Variants in CNTN5 observed in about 807,000 individuals in gnomAD.
The protein encoded by CNTN5 is contactin-5.
Under a neutral mutation model 129.1 loss-of-function variants are expected in CNTN5, and 77 were observed. The observed-to-expected ratio is 0.60, with a 90% CI of 0.50 to 0.72. CNTN5 has a LOEUF of 0.72. Among genes scored for constraint, CNTN5 ranks in the 30% least tolerant of loss-of-function variants. The pLI is 0.00. For missense variants in CNTN5, 1,478 were observed against 1,328.8 expected (o/e 1.11, Z -1.75); for synonymous variants, 509 against 465.6 (o/e 1.09, Z -1.20).
At chr11:99,917,434 G>A (rs758909849) in intron 7 of CNTN5, among the ~76,000 whole-genome samples, 33 of 152,102 alleles carry the variant, frequency 2.2e-4, no homozygotes, top group South Asian at 4.1e-4. Context: ...AAAGTGTATA[G>A]CATTAATATA....
In CNTN5 at chr11:99,556,282, A is replaced by G; in HGVS notation, c.55+13A>G. ...ATGTGTCTTTCAGGTAAAAGTCCTG[A>G]TTAATTAATTATTTGATTTTCTAAG... On this transcript the variant is annotated intron_variant, in intron 3 of 24. Transcript: ENST00000524871. 1.3e-6 allele frequency: 2 copies of G among 1,488,318 alleles called. No homozygotes were observed. The highest frequency in any genetic ancestry group is 1.8e-6 in the Non-Finnish European group (2 of 1,102,198). 92.2% of individuals were successfully genotyped at this position (1,488,318 alleles called of 1,614,324 possible).
At chr11:100,170,088 T>C (rs186744160) in intron 13 of CNTN5, among the ~76,000 whole-genome samples, 3 of 152,078 alleles carry the variant, frequency 2.0e-5, no homozygotes, top group Admixed American at 2.0e-4. Flanking sequence ...ACTCCACAAA[T>C]AGTAGCTAAT....
chr11:100,297,223 T>C (rs887524510), intron 18 of CNTN5, among the ~76,000 whole-genome samples: 1 of 151,470 alleles, frequency 6.6e-6, no homozygotes, highest in Admixed American at 6.6e-5. Flanking sequence ...GGTAAGGCAG[T>C]AATGCTAATC....
chr11:99,062,830 A>G (rs72982410), intron 1 of CNTN5, among the ~76,000 whole-genome samples: 2 of 152,250 alleles, frequency 1.3e-5, no homozygotes, highest in Admixed American at 6.5e-5. Flanking sequence ...TTGATACATT[A>G]CTAGAAGAGG....
intron 1 of CNTN5, among the ~76,000 whole-genome samples, chr11:99,027,618 C>T (rs1448583797): frequency 6.6e-6 from 1 of 151,530 alleles, no homozygotes; most frequent in African/African-American, 2.4e-5. Flanking sequence ...TTAATAATGT[C>T]ATATAAATTG....
chr11:99,695,594 A>G (rs1315730336), intron 3 of CNTN5, among the ~76,000 whole-genome samples: 1 of 152,052 alleles, frequency 6.6e-6, no homozygotes, highest in African/African-American at 2.4e-5. Flanking sequence ...TATGGTGCTT[A>G]AGAACACTAA....
intron 7 of CNTN5, among the ~76,000 whole-genome samples, chr11:99,931,875 C>T (rs1390707989): frequency 1.3e-5 from 2 of 152,178 alleles, no homozygotes; most frequent in African/African-American, 4.8e-5. Flanking sequence ...CGATATCCTT[C>T]TAATTCCAGA....
chr11:100,032,508 G>GATAT (rs763114152), intron 9 of CNTN5, among the ~76,000 whole-genome samples: 3 of 150,526 alleles, frequency 2.0e-5, no homozygotes, highest in Admixed American at 6.6e-5. Context: ...AAAAAATAAT[G>GATAT]ATATATATAT....
At chr11:100,136,703 A>G (rs1013837086) in intron 13 of CNTN5, among the ~76,000 whole-genome samples, 5 of 151,956 alleles carry the variant, frequency 3.3e-5, no homozygotes, top group Non-Finnish European at 7.4e-5. Flanking sequence ...GCTTAAACAA[A>G]CTATGTGTAT....
chr11:99,469,962 G>A (rs1265231091), intron 2 of CNTN5, among the ~76,000 whole-genome samples: 1 of 152,048 alleles, frequency 6.6e-6, no homozygotes, highest in Non-Finnish European at 1.5e-5. Context: ...CTAGGCATTA[G>A]TACTTAAAAC....
chr11:99,909,969 A>G (rs1949615395), intron 6 of CNTN5, among the ~76,000 whole-genome samples: 1 of 152,164 alleles, frequency 6.6e-6, no homozygotes, highest in Non-Finnish European at 1.5e-5. Context: ...AATAATAATA[A>G]AAAAAGAATT....
At position 100,357,213 on chromosome 11, in the gene CNTN5, G is replaced by A. The variant is rs1478737809; in HGVS notation, c.*993G>A. 2 of 151,726 alleles carry A rather than the reference G, an allele frequency of 1.3e-5. No homozygotes were observed. The highest frequency in any genetic ancestry group is 4.8e-5 in the African/African-American group (2 of 41,394). 9.4% of individuals were successfully genotyped at this position (151,726 alleles called of 1,614,324 possible). On this transcript the variant is annotated 3_prime_UTR_variant, in exon 25 of 25. Coordinates refer to ENST00000524871, the MANE Select transcript of CNTN5 (RefSeq NM_014361.4). ...TATGCATAGTCTGTAGATTAAAATG[G>A]TTCAAGTATAACAAATAAGTTTTGA...
chr11:99,772,716 A>T (rs1944987622), intron 3 of CNTN5, among the ~76,000 whole-genome samples: 1 of 152,108 alleles, frequency 6.6e-6, no homozygotes, highest in African/African-American at 2.4e-5. Context: ...TTACCTCTGA[A>T]GTTGAACAGG....
intron 8 of CNTN5, among the ~76,000 whole-genome samples, chr11:99,966,468 C>T (rs1002650003): frequency 3.9e-5 from 6 of 152,130 alleles, no homozygotes; most frequent in Admixed American, 3.3e-4. Flanking sequence ...AGGACCAGAG[C>T]CTTACAAAAT....
chr11:99,617,488 A>G (rs1431827822), intron 3 of CNTN5, among the ~76,000 whole-genome samples: 1 of 152,190 alleles, frequency 6.6e-6, no homozygotes, highest in East Asian at 1.9e-4. Flanking sequence ...AAGCTTGGCT[A>G]TATTAGTCCA....
At chr11:99,211,329 A>C (rs1204392448) in intron 1 of CNTN5, among the ~76,000 whole-genome samples, 1 of 152,088 alleles carries the variant, frequency 6.6e-6, no homozygotes, top group East Asian at 1.9e-4. Context: ...TTGCTATACT[A>C]TGTGTCTAAA....
chr11:99,284,349 T>A (rs937591930), intron 1 of CNTN5, among the ~76,000 whole-genome samples: 1 of 152,080 alleles, frequency 6.6e-6, no homozygotes, highest in Non-Finnish European at 1.5e-5. Context: ...TCTTGAGAAA[T>A]GTTTATTTTA....
At chr11:99,626,064 C>A (rs1257790195) in intron 3 of CNTN5, among the ~76,000 whole-genome samples, 1 of 151,728 alleles carries the variant, frequency 6.6e-6, no homozygotes, top group Non-Finnish European at 1.5e-5. Flanking sequence ...ATGAGGGAGG[C>A]CGTGAAGGAC....
At chr11:99,217,291 A>G (rs1758269195) in intron 1 of CNTN5, among the ~76,000 whole-genome samples, 3 of 152,214 alleles carry the variant, frequency 2.0e-5, no homozygotes, top group South Asian at 4.1e-4. Context: ...ACATTTATCA[A>G]AAGAAGACAC....
Sources: gnomAD v4.1 joint callset for allele counts (sites outside exome capture counted in the v4.1 genomes callset) on GRCh38, gnomAD v4.1.1 for gene constraint, MANE v1.5 for transcripts, NCBI Gene and HGNC (gene_info 2026-07-23, HGNC 2026-07-21) for gene names.